Variants in RSPO2 observed in about 807,000 individuals in gnomAD.
RSPO2 encodes the protein R-spondin-2.
In RSPO2, 14 loss-of-function variants were observed where a neutral mutation model predicts 30.9. The observed-to-expected ratio is 0.45, with a 90% CI of 0.30 to 0.71. The LOEUF (loss-of-function observed/expected upper bound fraction) is 0.71. Among genes scored for constraint, RSPO2 ranks in the 30% least tolerant of loss-of-function variants. The pLI, the probability that RSPO2 is intolerant of heterozygous loss-of-function variation, is 0.08. For synonymous variants in RSPO2, 107 were observed against 96.4 expected, an observed-to-expected ratio of 1.11 and a Z score of -0.64; for missense variants, 264 against 301.9, an observed-to-expected ratio of 0.87 and a Z score of 0.93.
rs1812383864 is a variant in RSPO2, at chr8:108,059,675, A to T, written c.94+22870T>A. 1.3e-5 allele frequency among the ~76,000 whole-genome samples: 2 copies of T among 148,212 alleles called. 1 individual carries two copies. Among genetic ancestry groups the T allele is most frequent in the South Asian group, 4.3e-4 (2 of 4,650 alleles). ...CACCATGGAATACTATGCAGCCATA[A>T]AAAAAGATGAGTTCATGTCCTTTGT... On this transcript the variant is annotated intron_variant, in intron 2 of 5. Transcript: ENST00000276659.
At chr8:108,058,589 T>A (rs1056376489) in intron 2 of RSPO2, among the ~76,000 whole-genome samples, 2 of 151,380 alleles carry the variant, frequency 1.3e-5, no homozygotes, top group African/African-American at 2.5e-5. Flanking sequence ...ACTACCTGAC[T>A]TCAAACCATA....
chr8:107,983,112 G>A (rs1046205512), intron 3 of RSPO2: 2 of 1,425,124 alleles, frequency 1.4e-6, no homozygotes, highest in East Asian at 2.3e-5. Context: ...CTTACCCCAG[G>A]GTCTATGGAA....
At chr8:108,010,168 T>C (rs948605298) in intron 2 of RSPO2, among the ~76,000 whole-genome samples, 2 of 152,156 alleles carry the variant, frequency 1.3e-5, no homozygotes, top group Non-Finnish European at 2.9e-5. Flanking sequence ...AAGGGCTAAG[T>C]AATCTTTCAG....
intron 2 of RSPO2, among the ~76,000 whole-genome samples, chr8:108,026,228 G>C (rs1241800989): frequency 6.6e-6 from 1 of 152,124 alleles, no homozygotes; most frequent in Non-Finnish European, 1.5e-5. Context: ...TTCTTCAAAT[G>C]TCAAGGTCAT....
chr8:107,938,014 A>G (rs1812774834), intron 5 of RSPO2, among the ~76,000 whole-genome samples: 1 of 152,124 alleles, frequency 6.6e-6, no homozygotes, highest in Admixed American at 6.6e-5. Flanking sequence ...TTGAAATGAA[A>G]TTGCAGCATA....
At chr8:107,944,904 C>A (rs918249533) in intron 5 of RSPO2, among the ~76,000 whole-genome samples, 2 of 152,022 alleles carry the variant, frequency 1.3e-5, no homozygotes, top group African/African-American at 4.8e-5. Context: ...GGATGAGAGT[C>A]CAGATATCTA....
At chr8:108,048,339 TC>T (rs1811970978) in intron 2 of RSPO2, among the ~76,000 whole-genome samples, 6 of 151,646 alleles carry the variant, frequency 4.0e-5, no homozygotes, top group Non-Finnish European at 8.8e-5. Context: ...TTTGCATCCC[TC>T]ACTGAGTTGC....
intron 3 of RSPO2, among the ~76,000 whole-genome samples, chr8:107,965,681 A>G (rs1813779485): frequency 6.6e-6 from 1 of 152,044 alleles, no homozygotes; most frequent in South Asian, 2.1e-4. Flanking sequence ...TTCCTAACAC[A>G]GTATTGGAAA....
In RSPO2 at chr8:108,059,120, C is replaced by G. The variant is rs545171469; in HGVS notation, c.94+23425G>C. Among the ~76,000 whole-genome samples the G allele has an allele frequency of 2.6e-4, 40 of 151,576 alleles. 1 individual carries two copies. Among genetic ancestry groups the G allele is most frequent in the African/African-American group, 9.7e-4 (40 of 41,094 alleles). On this transcript the variant is annotated intron_variant, in intron 2 of 5. Coordinates refer to ENST00000276659, the MANE Select transcript of RSPO2 (RefSeq NM_178565.5). ...ACTCATCTGACAAAGGGCTAATATC[C>G]AGAATCTACAATGAACTCAAACAAA...
chr8:107,941,021 G>C (rs137946783), intron 5 of RSPO2, among the ~76,000 whole-genome samples: 5 of 151,738 alleles, frequency 3.3e-5, no homozygotes, highest in Middle Eastern at 3.4e-3. Flanking sequence ...TTCAAATCTT[G>C]AATCACTTCA....
chr8:108,018,192 A>T (rs1467581491), intron 2 of RSPO2, among the ~76,000 whole-genome samples: 2 of 152,208 alleles, frequency 1.3e-5, no homozygotes, highest in African/African-American at 4.8e-5. Context: ...AGACAGAAAA[A>T]TTCACCTCAT....
intron 3 of RSPO2, among the ~76,000 whole-genome samples, chr8:107,965,792 A>C (rs550456405): frequency 6.6e-6 from 1 of 152,348 alleles, no homozygotes; most frequent in East Asian, 1.9e-4. Context: ...CTGATTGCAC[A>C]TGCACTGTAT....
intron 2 of RSPO2, among the ~76,000 whole-genome samples, chr8:108,063,200 G>A (rs916626574): frequency 1.3e-5 from 2 of 151,620 alleles, no homozygotes; most frequent in Non-Finnish European, 2.9e-5. Flanking sequence ...GGCAGGAGAA[G>A]GAAATAAAGG....
At chr8:107,911,379 A>G (rs1246680559) in intron 5 of RSPO2, among the ~76,000 whole-genome samples, 1 of 152,224 alleles carries the variant, frequency 6.6e-6, no homozygotes, top group East Asian at 1.9e-4. Flanking sequence ...CTTGGCAGGC[A>G]TCTAGAATAC....
intron 3 of RSPO2, among the ~76,000 whole-genome samples, chr8:107,970,211 T>C (rs1387124117): frequency 6.6e-6 from 1 of 152,208 alleles, no homozygotes; most frequent in African/African-American, 2.4e-5. Context: ...TGATTCAACA[T>C]GGATGTTTTC....
At chr8:107,971,051 C>T (rs544237778) in intron 3 of RSPO2, among the ~76,000 whole-genome samples, 1 of 152,074 alleles carries the variant, frequency 6.6e-6, no homozygotes, top group East Asian at 1.9e-4. Flanking sequence ...TTTCCAGATG[C>T]GGTTAAGAAG....
chr8:108,081,465 G>A (rs190847303), intron 2 of RSPO2, among the ~76,000 whole-genome samples: 1 of 152,316 alleles, frequency 6.6e-6, no homozygotes, highest in East Asian at 1.9e-4. Context: ...AGTCCAAAGT[G>A]CCGAATGAAA....
chr8:108,004,331 AC>A (rs1815378193), intron 2 of RSPO2, among the ~76,000 whole-genome samples: 1 of 151,862 alleles, frequency 6.6e-6, no homozygotes, highest in South Asian at 2.1e-4. Flanking sequence ...AACAAAAATC[AC>A]CCCCAAACCA....
intron 5 of RSPO2, among the ~76,000 whole-genome samples, chr8:107,906,775 C>T (rs1190255254): frequency 6.6e-6 from 1 of 151,912 alleles, no homozygotes; most frequent in Non-Finnish European, 1.5e-5. Context: ...TTCAGAATAA[C>T]ACATTTATTT....
Sources: gnomAD v4.1 joint callset for allele counts (sites outside exome capture counted in the v4.1 genomes callset) on GRCh38, gnomAD v4.1.1 for gene constraint, MANE v1.5 for transcripts, NCBI Gene and HGNC (gene_info 2026-07-23, HGNC 2026-07-21) for gene names.